ASIC2: variants seen among roughly 807,000 people sequenced by gnomAD.
ASIC2 encodes the protein acid sensing ion channel subunit 2, also known as acid-sensing ion channel 2.
ASIC2 carries 25 observed loss-of-function variants against 57.3 expected under a neutral mutation model. That is an observed-to-expected ratio of 0.44 (90% CI 0.32 to 0.61). ASIC2 has a LOEUF of 0.61. Among genes scored for constraint, ASIC2 ranks in the 20% least tolerant of loss-of-function variants. The pLI, the probability that ASIC2 is intolerant of heterozygous loss-of-function variation, is 0.06. For synonymous variants in ASIC2, 319 were observed against 307.5 expected (o/e 1.04, Z -0.39); for missense variants, 641 against 738.1 (o/e 0.87, Z 1.52).
intron 1 of ASIC2, among the ~76,000 whole-genome samples, chr17:33,876,390 C>T (rs1914546837): frequency 6.6e-6 from 1 of 152,200 alleles, no homozygotes; most frequent in South Asian, 2.1e-4. Flanking sequence ...GGTTACAAAA[C>T]AAGACTTCGA....
At chr17:33,135,664 T>G (rs116049283) in intron 1 of ASIC2, among the ~76,000 whole-genome samples, 1,786 of 152,206 alleles carry the variant, frequency 0.012, 20 homozygotes, top group African/African-American at 0.03. Flanking sequence ...GTCACCATGT[T>G]GACAAGGGAG....
rs146517809 is a variant in ASIC2, at chr17:33,936,133, G to A, written c.555+219845C>T. The A allele has an allele frequency of 4.4e-3, 673 of 152,420 alleles. 1 individual carries two copies. The highest frequency in any genetic ancestry group is 6.7e-3 in the Non-Finnish European group (458 of 68,130). 9.4% of individuals were successfully genotyped at this position (152,420 alleles called of 1,614,324 possible). On this transcript the variant is annotated intron_variant, in intron 1 of 9. Coordinates refer to the ASIC2 transcript ENST00000359872. ...GGTTGAGTTTGTGGGGTGCGGGGGC[G>A]TTTGGTAGGACAGTCAGTGGTTTAC...
intron 1 of ASIC2, among the ~76,000 whole-genome samples, chr17:33,930,135 C>A (rs1344589766): frequency 1.3e-5 from 2 of 152,336 alleles, no homozygotes; most frequent in Admixed American, 1.3e-4. Flanking sequence ...GTCTGAAAGT[C>A]TGTTAGGTAA....
chr17:33,623,026 T>G (rs35065778), intron 1 of ASIC2, among the ~76,000 whole-genome samples: 79,390 of 151,954 alleles, frequency 0.52, 21,362 homozygotes, highest in African/African-American at 0.64. Flanking sequence ...AACAGAGACT[T>G]GGGCGATTGC....
At chr17:33,666,167 G>C (rs1008586360) in intron 1 of ASIC2, among the ~76,000 whole-genome samples, 2 of 152,146 alleles carry the variant, frequency 1.3e-5, no homozygotes, top group African/African-American at 2.4e-5. Flanking sequence ...CTGGGGAACA[G>C]ACCTTTGTCT....
chr17:34,024,489 G>C (rs879139997), intron 1 of ASIC2, among the ~76,000 whole-genome samples: 3 of 152,224 alleles, frequency 2.0e-5, no homozygotes, highest in South Asian at 2.1e-4. Context: ...GGTCACTGTC[G>C]ATAGCATTAG....
intron 1 of ASIC2, among the ~76,000 whole-genome samples, chr17:33,721,056 A>G (rs1023939748): frequency 3.3e-5 from 5 of 152,220 alleles, no homozygotes; most frequent in Non-Finnish European, 7.3e-5. Flanking sequence ...GAAAACATTC[A>G]TTGCTATTCC....
intron 1 of ASIC2, among the ~76,000 whole-genome samples, chr17:33,314,638 C>T (rs1416434180): frequency 1.3e-5 from 2 of 152,080 alleles, no homozygotes; most frequent in Non-Finnish European, 2.9e-5. Flanking sequence ...TACCAGGCCT[C>T]ATAAAAAGCA....
At chr17:33,519,828 G>A (rs1174523091) in intron 1 of ASIC2, among the ~76,000 whole-genome samples, 5 of 152,204 alleles carry the variant, frequency 3.3e-5, no homozygotes, top group African/African-American at 1.2e-4. Context: ...TGCTGTAACC[G>A]AGAGTGAGCC....
At chr17:33,204,014 G>C (rs1156735957) in intron 1 of ASIC2, among the ~76,000 whole-genome samples, 1 of 152,228 alleles carries the variant, frequency 6.6e-6, no homozygotes, top group Non-Finnish European at 1.5e-5. Context: ...GCTGCTATTT[G>C]GTTGGCATCT....
In ASIC2 at chr17:33,848,050, G is replaced by A. The variant is rs1224244618; in HGVS notation, c.555+307928C>T. ...AGATTTGCCTGGGGCCTCACAGCCA[G>A]TAGACTGCACAGAGAAGGTTAAAAT... On this transcript the variant is annotated intron_variant, in intron 1 of 9. Transcript: ENST00000359872. 3.3e-5 allele frequency among the ~76,000 whole-genome samples: 5 copies of A among 152,290 alleles called. No individual in the cohort carries two copies. The East Asian group carries it at 9.7e-4, about 29-fold the overall frequency.
intron 1 of ASIC2, among the ~76,000 whole-genome samples, chr17:33,226,214 A>G (rs906562673): frequency 6.6e-6 from 1 of 152,112 alleles, no homozygotes; most frequent in African/African-American, 2.4e-5. Context: ...TTGGTTTGTT[A>G]TTGGTTTTCA....
intron 2 of ASIC2, among the ~76,000 whole-genome samples, chr17:33,104,378 A>G (rs1416082799): frequency 6.6e-6 from 1 of 152,156 alleles, no homozygotes; most frequent in East Asian, 1.9e-4. Flanking sequence ...AGGGAGAGGG[A>G]TGCTTCAAGT....
chr17:33,957,816 C>T (rs773298754), intron 1 of ASIC2, among the ~76,000 whole-genome samples: 5 of 152,176 alleles, frequency 3.3e-5, no homozygotes, highest in Non-Finnish European at 5.9e-5. Context: ...AAAGTCTTAA[C>T]TTATTTCAGC....
chr17:33,245,306 A>C (rs777913016), intron 1 of ASIC2, among the ~76,000 whole-genome samples: 17 of 152,180 alleles, frequency 1.1e-4, no homozygotes, highest in Non-Finnish European at 2.2e-4. Flanking sequence ...GTGCTTGGGG[A>C]GTCCAGAGGA....
intron 1 of ASIC2, among the ~76,000 whole-genome samples, chr17:33,889,843 C>A (rs1914921079): frequency 6.6e-6 from 1 of 152,186 alleles, no homozygotes. Flanking sequence ...AAAGTCAGAA[C>A]CATTAGGAAC....
At chr17:33,100,803 G>T (rs2092209229) in intron 2 of ASIC2, among the ~76,000 whole-genome samples, 1 of 152,182 alleles carries the variant, frequency 6.6e-6, no homozygotes, top group African/African-American at 2.4e-5. Context: ...CTGAGGTTGG[G>T]GCTGTCTCAT....
At chr17:33,111,891 A>G in intron 2 of ASIC2, 26 bp downstream of exon 2, 2 of 1,594,570 alleles carry the variant, frequency 1.3e-6, no homozygotes, top group Non-Finnish European at 1.7e-6. Flanking sequence ...CCATCACCCA[A>G]TGCCCGGTCC....
chr17:33,773,792 C>G (rs1043675441), intron 1 of ASIC2, among the ~76,000 whole-genome samples: 11 of 151,492 alleles, frequency 7.3e-5, no homozygotes, highest in Non-Finnish European at 1.2e-4. Context: ...GTAGCTGAGA[C>G]TACAGGCATA....
Sources: gnomAD v4.1 joint callset for allele counts (sites outside exome capture counted in the v4.1 genomes callset) on GRCh38, gnomAD v4.1.1 for gene constraint, MANE v1.5 for transcripts, NCBI Gene and HGNC (gene_info 2026-07-23, HGNC 2026-07-21) for gene names.